PDZD2: variants seen among roughly 807,000 people sequenced by gnomAD.
PDZD2 encodes the protein PDZ domain-containing protein 2.
A neutral mutation model predicts 220.7 loss-of-function variants in PDZD2; 90 were observed. That is an observed-to-expected ratio of 0.41 (90% CI 0.34 to 0.49). PDZD2 has a LOEUF of 0.49. Among genes scored for constraint, PDZD2 ranks in the 20% least tolerant of loss-of-function variants. PDZD2 has a pLI of 0.28. For missense variants in PDZD2, 3,174 were observed against 3,608.5 expected (o/e 0.88, Z 3.08); for synonymous variants, 1,375 against 1,450.5 (o/e 0.95, Z 1.18).
At chr5:31,870,270 G>A (rs776424570) in intron 2 of PDZD2, among the ~76,000 whole-genome samples, 1 of 152,176 alleles carries the variant, frequency 6.6e-6, no homozygotes, top group African/African-American at 2.4e-5. Context: ...CATATAAGGT[G>A]TAGAGTCCAC....
chr5:31,743,829 A>G (rs1412952410), intron 1 of PDZD2, among the ~76,000 whole-genome samples: 1 of 152,190 alleles, frequency 6.6e-6, no homozygotes, highest in Non-Finnish European at 1.5e-5. Context: ...GAAGAAACTG[A>G]AAGACCAGGT....
intron 2 of PDZD2, among the ~76,000 whole-genome samples, chr5:31,949,485 G>T (rs980561580): frequency 6.6e-6 from 1 of 151,904 alleles, no homozygotes; most frequent in East Asian, 1.9e-4. Flanking sequence ...TTTCTCATTG[G>T]TACTAGTTCT....
chr5:32,103,792 G>A (rs971560776), intron 24 of PDZD2: 2 of 152,336 alleles, frequency 1.3e-5, no homozygotes, highest in African/African-American at 4.8e-5. Flanking sequence ...GACTAAAGCA[G>A]CACATCGGCT....
chr5:31,730,462 G>C (rs1277601093), intron 1 of PDZD2, among the ~76,000 whole-genome samples: 2 of 152,140 alleles, frequency 1.3e-5, no homozygotes, highest in Non-Finnish European at 2.9e-5. Context: ...ATGGGCCACA[G>C]GAGAGGGTCG....
intron 2 of PDZD2, among the ~76,000 whole-genome samples, chr5:31,856,181 G>A (rs930072795): frequency 6.6e-5 from 10 of 152,176 alleles, no homozygotes; most frequent in South Asian, 2.1e-4. Context: ...GCCTCATCTC[G>A]TCCCCAGCTG....
intron 2 of PDZD2, among the ~76,000 whole-genome samples, chr5:31,933,753 C>T (rs188910867): frequency 6.8e-4 from 103 of 152,240 alleles, no homozygotes; most frequent in African/African-American, 2.2e-3. Flanking sequence ...TCCACACGAA[C>T]GCAATGAGAA....
chr5:31,865,531 T>C (rs1215360367), intron 2 of PDZD2, among the ~76,000 whole-genome samples: 1 of 150,364 alleles, frequency 6.7e-6, no homozygotes. Context: ...AGGCTGGTCA[T>C]GAACTCCTAG....
intron 2 of PDZD2, among the ~76,000 whole-genome samples, chr5:31,981,345 G>A (rs187593271): frequency 2.7e-4 from 41 of 152,182 alleles, no homozygotes; most frequent in Admixed American, 2.4e-3. Context: ...TTCCATTAAC[G>A]TGACCATTAG....
At chr5:32,081,776 C>T (rs1741980228) in intron 19 of PDZD2, among the ~76,000 whole-genome samples, 2 of 152,174 alleles carry the variant, frequency 1.3e-5, no homozygotes, top group Admixed American at 1.3e-4. Context: ...GGCTGGAGTG[C>T]AGTGGTGTGA....
intron 2 of PDZD2, among the ~76,000 whole-genome samples, chr5:31,859,147 A>G (rs1252645469): frequency 6.6e-6 from 1 of 152,068 alleles, no homozygotes; most frequent in East Asian, 1.9e-4. Context: ...ACCAATCAGC[A>G]GCACCCATTC....
chr5:31,745,427 T>C (rs1260092472), intron 1 of PDZD2, among the ~76,000 whole-genome samples: 12 of 152,170 alleles, frequency 7.9e-5, no homozygotes, highest in Non-Finnish European at 1.6e-4. Context: ...TCAATAAGTA[T>C]TTTTTGATAA....
At chr5:31,663,241 T>C (rs1455412215) in intron 1 of PDZD2, among the ~76,000 whole-genome samples, 1 of 152,230 alleles carries the variant, frequency 6.6e-6, no homozygotes, top group Non-Finnish European at 1.5e-5. Context: ...CTTCCACTGA[T>C]GATGATTTCT....
chr5:32,035,456 T>G (rs1755460255), intron 6 of PDZD2, among the ~76,000 whole-genome samples: 1 of 152,118 alleles, frequency 6.6e-6, no homozygotes, highest in Admixed American at 6.5e-5. Context: ...AGACAGGGTT[T>G]CACCATGTTG....
At chr5:31,840,438 A>ATTTATTTATT (rs1175119460) in intron 2 of PDZD2, 1 of 63,742 alleles carries the variant, frequency 1.6e-5, no homozygotes, top group African/African-American at 6.1e-5. Flanking sequence ...ATATATATAT[A>ATTTATTTATT]TATATATATA....
chr5:31,679,697 A>T (rs1027033078), intron 1 of PDZD2, among the ~76,000 whole-genome samples: 3 of 152,032 alleles, frequency 2.0e-5, no homozygotes, highest in African/African-American at 7.3e-5. Context: ...TTTAGTAGAG[A>T]CAGGGTTTTG....
At chr5:31,687,127 T>A (rs540405036) in intron 1 of PDZD2, among the ~76,000 whole-genome samples, 1 of 152,294 alleles carries the variant, frequency 6.6e-6, no homozygotes, top group South Asian at 2.1e-4. Flanking sequence ...CCAAGCTACA[T>A]AAACAAGTTT....
chr5:31,685,535 A>T (rs981521164), intron 1 of PDZD2, among the ~76,000 whole-genome samples: 1 of 151,928 alleles, frequency 6.6e-6, no homozygotes. Flanking sequence ...TATTATTATT[A>T]TTTTTTGAGA....
In PDZD2 at chr5:31,919,858, A is replaced by ATTTT. The variant is rs3037133; in HGVS notation, c.477-63289_477-63286dup. Among the ~76,000 whole-genome samples the ATTTT allele has an allele frequency of 7.3e-4, 109 of 148,562 alleles. 1 individual carries two copies. In the South Asian group the frequency reaches 0.015, roughly 20 times the overall value. On this transcript the variant is annotated intron_variant, in intron 2 of 24. Transcript: ENST00000438447. ...TAGTAAAACCTGTCTCTAAAAAACAATTTTTTTTTTTATGAACCAGGCGTG... is the reference window on the plus strand; with the variant it reads ...TAGTAAAACCTGTCTCTAAAAAACAATTTTTTTTTTTTTTTATGAACCAGGCGTG...
chr5:31,741,053 T>A (rs1750229845), intron 1 of PDZD2, among the ~76,000 whole-genome samples: 1 of 152,244 alleles, frequency 6.6e-6, no homozygotes, highest in Non-Finnish European at 1.5e-5. Context: ...AACATGCTAG[T>A]AGAAGTCTAT....
Sources: allele counts gnomAD v4.1 joint callset (sites outside exome capture counted in the v4.1 genomes callset), GRCh38; gene constraint gnomAD v4.1.1; transcripts MANE v1.5; gene names NCBI Gene and HGNC (gene_info 2026-07-23, HGNC 2026-07-21).